The following TYW1B variants were observed in gnomAD, a reference collection of about 807,000 sequenced individuals.
The protein encoded by TYW1B is S-adenosyl-L-methionine-dependent tRNA 4-demethylwyosine synthase TYW1B.
TYW1B carries 73 observed loss-of-function variants against 86.9 expected under a neutral mutation model. That is an observed-to-expected ratio of 0.84 (90% CI 0.70 to 1.02). TYW1B has a LOEUF of 1.02. Ranked by LOEUF, TYW1B falls within the 50% of genes least tolerant of loss-of-function variation. The pLI, the probability that TYW1B is intolerant of heterozygous loss-of-function variation, is 0.00. For synonymous variants in TYW1B, 248 were observed against 292.8 expected (o/e 0.85, Z 1.56); for missense variants, 637 against 827.4 (o/e 0.77, Z 2.82).
At chr7:72,761,757 A>AT (rs1563085309) in intron 7 of TYW1B, among the ~76,000 whole-genome samples, 1 of 151,974 alleles carries the variant, frequency 6.6e-6, no homozygotes. Context: ...ATGAAGATAT[A>AT]TTTTTTAAGA....
intron 11 of TYW1B, among the ~76,000 whole-genome samples, chr7:72,669,989 G>T (rs1813558436): frequency 6.6e-6 from 1 of 151,184 alleles, no homozygotes; most frequent in Admixed American, 6.6e-5. Flanking sequence ...AGATTAGCTG[G>T]CTGTGGTGGC....
intron 11 of TYW1B, among the ~76,000 whole-genome samples, chr7:72,639,930 A>G (rs1230028181): frequency 6.6e-6 from 1 of 152,078 alleles, no homozygotes; most frequent in Non-Finnish European, 1.5e-5. Context: ...AGTAAAATGT[A>G]CAACAAAAAC....
intron 13 of TYW1B, among the ~76,000 whole-genome samples, chr7:72,608,906 G>A (rs1380901628): frequency 1.3e-5 from 2 of 152,176 alleles, no homozygotes; most frequent in Admixed American, 6.5e-5. Context: ...TATCTGGGTC[G>A]TGGTGATGGC....
At chr7:72,600,448 G>C (rs1811638590) in intron 13 of TYW1B, among the ~76,000 whole-genome samples, 1 of 152,042 alleles carries the variant, frequency 6.6e-6, no homozygotes, top group South Asian at 2.1e-4. Flanking sequence ...ATGTGGCAAT[G>C]AATTTTTAGA....
chr7:72,625,897 G>A (rs186326815), intron 12 of TYW1B, among the ~76,000 whole-genome samples: 4 of 24,054 alleles, frequency 1.7e-4, no homozygotes, highest in South Asian at 4.0e-3. Context: ...GAGGTGGGGC[G>A]GGGGGGGGGG....
chr7:72,827,309 G>T (rs1360811083), intron 1 of TYW1B, among the ~76,000 whole-genome samples: 5 of 152,214 alleles, frequency 3.3e-5, no homozygotes, highest in Admixed American at 6.5e-5. Flanking sequence ...TCGGGAGGCT[G>T]AGGCAGGAGA....
intron 11 of TYW1B, among the ~76,000 whole-genome samples, chr7:72,654,007 G>C (rs1201279973): frequency 6.6e-6 from 1 of 150,958 alleles, no homozygotes; most frequent in Non-Finnish European, 1.5e-5. Context: ...ATGAACCCAG[G>C]AGGCGGAGGC....
At chr7:72,607,088 A>C (rs1554434996) in intron 13 of TYW1B, among the ~76,000 whole-genome samples, 1 of 152,208 alleles carries the variant, frequency 6.6e-6, no homozygotes, top group Admixed American at 6.5e-5. Flanking sequence ...TCAATGGGCT[A>C]TTAAAAACGG....
rs541817265 is a variant in TYW1B at position 72,627,160 on chromosome 7, T to C, written c.1617+1727A>G. On this transcript the variant is annotated intron_variant, in intron 12 of 13. Transcript: ENST00000620995. ...TTACGTATCAGTTTTTAAAATGTCA[T>C]CTCAGGCCCGGCGCGGTAGTTCTAA... Among the ~76,000 whole-genome samples, 6 of 152,128 alleles carry C rather than the reference T, an allele frequency of 3.9e-5. No individual in the cohort carries two copies. In the South Asian group the frequency reaches 6.2e-4, roughly 16 times the overall value.
chr7:72,827,293 A>G (rs551306124), intron 1 of TYW1B, among the ~76,000 whole-genome samples: 44 of 152,290 alleles, frequency 2.9e-4, no homozygotes, highest in African/African-American at 9.1e-4. Context: ...CTGTAATCCC[A>G]GCTACTCGGG....
intron 3 of TYW1B, among the ~76,000 whole-genome samples, chr7:72,814,624 G>A (rs553746044): frequency 6.6e-6 from 1 of 151,894 alleles, no homozygotes; most frequent in Non-Finnish European, 1.5e-5. Context: ...AGCAGGGCAT[G>A]GCAGCACATG....
intron 8 of TYW1B, among the ~76,000 whole-genome samples, chr7:72,736,155 T>C (rs34474525): frequency 0.092 from 13,986 of 152,180 alleles, 1,083 homozygotes; most frequent in East Asian, 0.33. Context: ...CCAGTTTCCA[T>C]TGGCTGGAAC....
intron 7 of TYW1B, among the ~76,000 whole-genome samples, chr7:72,771,135 A>G (rs557298857): frequency 1.3e-3 from 190 of 151,800 alleles, no homozygotes; most frequent in Non-Finnish European, 1.2e-3. Flanking sequence ...GCTAATTTTG[A>G]TATTTTTAGT....
intron 9 of TYW1B, among the ~76,000 whole-genome samples, chr7:72,719,254 C>A (rs1554456864): frequency 6.6e-6 from 1 of 151,822 alleles, no homozygotes; most frequent in Admixed American, 6.6e-5. Flanking sequence ...CTCAGGTGAC[C>A]CTCCCGCCTC....
intron 13 of TYW1B, among the ~76,000 whole-genome samples, chr7:72,610,889 AC>A (rs1244548658): frequency 2.0e-5 from 3 of 152,128 alleles, no homozygotes; most frequent in Non-Finnish European, 2.9e-5. Flanking sequence ...GCACTCCCCT[AC>A]CTAAAGCTCT....
At chr7:72,605,562 C>T (rs1384222313) in intron 13 of TYW1B, among the ~76,000 whole-genome samples, 18 of 152,024 alleles carry the variant, frequency 1.2e-4, no homozygotes, top group Admixed American at 2.0e-4. Flanking sequence ...CCATATTGGC[C>T]AGGCTGGTCT....
At chr7:72,774,864 T>C (rs56004000) in intron 7 of TYW1B, among the ~76,000 whole-genome samples, 105,872 of 151,996 alleles carry the variant, frequency 0.7, 37,895 homozygotes, top group Non-Finnish European at 0.78. Flanking sequence ...AAAAATCCAT[T>C]GATCCAAGCT....
intron 7 of TYW1B, among the ~76,000 whole-genome samples, chr7:72,766,033 C>G (rs1563086754): frequency 6.6e-6 from 1 of 152,178 alleles, no homozygotes; most frequent in South Asian, 2.1e-4. Flanking sequence ...CTGCTGGTAA[C>G]TTAACAAAAC....
At chr7:72,626,508 A>G (rs1295487795) in intron 12 of TYW1B, among the ~76,000 whole-genome samples, 3 of 152,102 alleles carry the variant, frequency 2.0e-5, no homozygotes, top group Non-Finnish European at 2.9e-5. Flanking sequence ...TATTTAAAAG[A>G]TATCTCAAAT....
Sources: gnomAD v4.1 joint callset for allele counts (sites outside exome capture counted in the v4.1 genomes callset) on GRCh38, gnomAD v4.1.1 for gene constraint, MANE v1.5 for transcripts, NCBI Gene and HGNC (gene_info 2026-07-23, HGNC 2026-07-21) for gene names.